TTC39B: variants seen among roughly 807,000 people sequenced by gnomAD.
TTC39B encodes tetratricopeptide repeat protein 39B.
A neutral mutation model predicts 96.6 loss-of-function variants in TTC39B; 92 were observed. The observed-to-expected ratio is 0.95, with a 90% CI of 0.80 to 1.13. The LOEUF (loss-of-function observed/expected upper bound fraction) is 1.13, where lower values mean the gene tolerates loss of function less well. Among genes scored for constraint, TTC39B ranks in the 50% most tolerant of loss-of-function variants. The pLI, the probability that TTC39B is intolerant of heterozygous loss-of-function variation, is 0.00. For synonymous variants in TTC39B, 367 were observed against 299.4 expected (o/e 1.23, Z -2.33); for missense variants, 955 against 809.3 (o/e 1.18, Z -2.18).
chr9:15,262,841 C>G (rs1586975300), intron 2 of TTC39B, among the ~76,000 whole-genome samples: 1 of 152,174 alleles, frequency 6.6e-6, no homozygotes, highest in South Asian at 2.1e-4. Context: ...GAAGCACTTG[C>G]TCTCTGCACC....
At chr9:15,246,348 G>A (rs1387170040) in intron 2 of TTC39B, among the ~76,000 whole-genome samples, 2 of 151,276 alleles carry the variant, frequency 1.3e-5, no homozygotes, top group Non-Finnish European at 3.0e-5. Flanking sequence ...TCTCATTAAG[G>A]TGAGGAGACT....
intron 1 of TTC39B, among the ~76,000 whole-genome samples, chr9:15,287,093 G>C (rs1824000389): frequency 6.6e-6 from 1 of 152,168 alleles, no homozygotes; most frequent in Admixed American, 6.5e-5. Flanking sequence ...ATTAAAATGA[G>C]GATATTGGGG....
At chr9:15,194,555 T>C (rs1259121325) in intron 8 of TTC39B, among the ~76,000 whole-genome samples, 2 of 152,244 alleles carry the variant, frequency 1.3e-5, no homozygotes, top group Admixed American at 6.5e-5. Context: ...CTTGTTTTAC[T>C]GCAATTTGTG....
chr9:15,199,870 T>C, exon 8 of TTC39B: 1 of 1,531,646 alleles, frequency 6.5e-7, no homozygotes. Flanking sequence ...CTTATATATT[T>C]GGTAACTTGT....
intron 2 of TTC39B, among the ~76,000 whole-genome samples, chr9:15,257,718 G>C (rs979476619): frequency 6.6e-6 from 1 of 150,430 alleles, no homozygotes; most frequent in Non-Finnish European, 1.5e-5. Context: ...AAAGTGCTGG[G>C]ATTACAGGCA....
At chr9:15,180,061 A>G (rs999549323) in intron 17 of TTC39B, among the ~76,000 whole-genome samples, 5 of 152,196 alleles carry the variant, frequency 3.3e-5, no homozygotes, top group African/African-American at 1.2e-4. Context: ...ATATGTTTCC[A>G]TTTAACATTC....
chr9:15,219,583 C>G (rs1344625707), intron 3 of TTC39B, among the ~76,000 whole-genome samples: 1 of 152,182 alleles, frequency 6.6e-6, no homozygotes. Flanking sequence ...AGGTGCCCTC[C>G]CTGTACCCTG....
At chr9:15,266,020 G>T (rs987991167) in intron 2 of TTC39B, among the ~76,000 whole-genome samples, 31 of 152,156 alleles carry the variant, frequency 2.0e-4, no homozygotes, top group African/African-American at 7.2e-4. Flanking sequence ...GCAGAAAAAG[G>T]ACACTAGGTA....
intron 1 of TTC39B, 133 bp from the exon 2 acceptor site, chr9:15,268,081 A>T: frequency 1.5e-6 from 1 of 665,250 alleles, no homozygotes; most frequent in Non-Finnish European, 2.5e-6. Flanking sequence ...CAGTAGAATC[A>T]ATCAACTTAA....
chr9:15,254,585 A>G (rs531450218), intron 2 of TTC39B, among the ~76,000 whole-genome samples: 1 of 152,302 alleles, frequency 6.6e-6, no homozygotes, highest in East Asian at 1.9e-4. Context: ...ATACAAGTTT[A>G]GTAACTAAGT....
chr9:15,234,716 A>G (rs912299432), intron 2 of TTC39B, among the ~76,000 whole-genome samples: 7 of 151,616 alleles, frequency 4.6e-5, no homozygotes, highest in African/African-American at 1.7e-4. Flanking sequence ...GATCCTGTTG[A>G]TCTGTGACCT....
intron 2 of TTC39B, among the ~76,000 whole-genome samples, chr9:15,248,109 GC>G (rs1180191027): frequency 6.6e-6 from 1 of 152,146 alleles, no homozygotes; most frequent in African/African-American, 2.4e-5. Context: ...TAGATACTGG[GC>G]CTGGCACATA....
intron 19 of TTC39B, among the ~76,000 whole-genome samples, chr9:15,174,055 C>T (rs749955513): frequency 1.3e-5 from 2 of 152,144 alleles, no homozygotes; most frequent in East Asian, 1.9e-4. Flanking sequence ...TTTAATTATG[C>T]AAATCTCAGC....
chr9:15,213,516 C>T (rs1820328174), intron 4 of TTC39B, among the ~76,000 whole-genome samples: 1 of 152,138 alleles, frequency 6.6e-6, no homozygotes, highest in Admixed American at 6.5e-5. Flanking sequence ...AACGAGATTG[C>T]CGACTTTTAT....
rs191714669 is a variant in TTC39B at position 15,247,090 on chromosome 9, T to C, written c.275+20824A>G. Among the ~76,000 whole-genome samples, 87 of 152,310 alleles carry C rather than the reference T, an allele frequency of 5.7e-4. 1 individual carries two copies. Among genetic ancestry groups the C allele is most frequent in the African/African-American group, 1.8e-3 (75 of 41,568 alleles). On this transcript the variant is annotated intron_variant, in intron 2 of 19. Transcript: ENST00000512701. ...TTTGGTTGTAACCATCTAGAAACTA[T>C]GACAGGTCAAATTCAAAGAGATCAG... is the stretch of plus-strand genomic sequence containing the variant.
At chr9:15,285,455 C>T (rs1466156971) in intron 1 of TTC39B, among the ~76,000 whole-genome samples, 1 of 152,152 alleles carries the variant, frequency 6.6e-6, no homozygotes, top group African/African-American at 2.4e-5. Flanking sequence ...CCCAATTACC[C>T]TGATGTGATT....
At chr9:15,298,169 T>G (rs934509775) in intron 1 of TTC39B, among the ~76,000 whole-genome samples, 1 of 152,176 alleles carries the variant, frequency 6.6e-6, no homozygotes, top group East Asian at 1.9e-4. Context: ...TTCTCCAGCA[T>G]TCGGTCTCCA....
chr9:15,241,298 A>C (rs571897143), intron 2 of TTC39B, among the ~76,000 whole-genome samples: 1 of 152,320 alleles, frequency 6.6e-6, no homozygotes, highest in South Asian at 2.1e-4. Flanking sequence ...CAAGGTTAAA[A>C]AAAAAAAAAC....
chr9:15,175,676 A>G lies in TTC39B; in HGVS notation c.1842-541T>C, dbSNP rs147307780. On this transcript the variant is annotated intron_variant, in intron 18 of 19. Transcript: ENST00000512701. ...TTTCAAATGCATAGCTTAGCTCACC[A>G]GAACATAAGAAAAAACCCTCAAGTG... Among the ~76,000 whole-genome samples the G allele has an allele frequency of 7.0e-3, 1,060 of 152,352 alleles. 5 individuals carry two copies. The highest frequency in any genetic ancestry group is 0.02 in the Middle Eastern group (6 of 294).
Sources: gnomAD v4.1 joint callset for allele counts (sites outside exome capture counted in the v4.1 genomes callset) on GRCh38, gnomAD v4.1.1 for gene constraint, MANE v1.5 for transcripts, NCBI Gene and HGNC (gene_info 2026-07-23, HGNC 2026-07-21) for gene names.